The following EPHA3 variants were observed in gnomAD, a reference collection of about 807,000 sequenced individuals.
EPHA3 encodes the protein EPH receptor A3, also known as ephrin type-A receptor 3.
EPHA3 carries 42 observed loss-of-function variants against 107.1 expected under a neutral mutation model. That is an observed-to-expected ratio of 0.39 (90% CI 0.31 to 0.51). The LOEUF is 0.51. Among genes scored for constraint, EPHA3 ranks in the 20% least tolerant of loss-of-function variants. EPHA3 has a pLI of 0.78. For missense variants in EPHA3, 1,183 were observed against 1,211.2 expected (o/e 0.98, Z 0.35); for synonymous variants, 461 against 424.8 (o/e 1.09, Z -1.05).
chr3:89,369,341 T>C (rs370058146), intron 5 of EPHA3, among the ~76,000 whole-genome samples: 4,511 of 149,916 alleles, frequency 0.03, 232 homozygotes, highest in African/African-American at 0.1. Context: ...TCAGAAATAA[T>C]GCCACGTATC....
At chr3:89,343,213 C>T (rs1707573374) in intron 5 of EPHA3, among the ~76,000 whole-genome samples, 1 of 152,000 alleles carries the variant, frequency 6.6e-6, no homozygotes, top group African/African-American at 2.4e-5. Context: ...AAACTCACCA[C>T]ATTCTGTTTC....
chr3:89,432,165 T>A (rs564056590), intron 13 of EPHA3, among the ~76,000 whole-genome samples: 15 of 152,144 alleles, frequency 9.9e-5, no homozygotes, highest in Non-Finnish European at 1.9e-4. Flanking sequence ...GCCTCATGAT[T>A]TTCTAATGAT....
intron 3 of EPHA3, among the ~76,000 whole-genome samples, chr3:89,213,088 G>A (rs775973541): frequency 6.6e-5 from 10 of 151,848 alleles, no homozygotes; most frequent in Non-Finnish European, 1.2e-4. Flanking sequence ...TGACAGAGGC[G>A]CTAGAGAAAA....
chr3:89,248,722 T>C (rs893407746), intron 3 of EPHA3, among the ~76,000 whole-genome samples: 20 of 152,188 alleles, frequency 1.3e-4, no homozygotes, highest in Admixed American at 6.5e-5. Context: ...AATTTGGTTG[T>C]GGCAATTCCA....
intron 3 of EPHA3, among the ~76,000 whole-genome samples, chr3:89,336,366 G>A (rs2107408477): frequency 6.6e-6 from 1 of 152,142 alleles, no homozygotes; most frequent in South Asian, 2.1e-4. Context: ...GCTCCTTAAA[G>A]TCTTTAATAC....
At chr3:89,467,536 A>G (rs1576393538) in intron 15 of EPHA3, among the ~76,000 whole-genome samples, 1 of 152,238 alleles carries the variant, frequency 6.6e-6, no homozygotes, top group Admixed American at 6.5e-5. Flanking sequence ...GAGATTCAGA[A>G]TTCTAAGGTA....
chr3:89,164,543 T>G (rs991057481), intron 2 of EPHA3, among the ~76,000 whole-genome samples: 2 of 152,230 alleles, frequency 1.3e-5, no homozygotes, highest in African/African-American at 4.8e-5. Flanking sequence ...CCTTTGGATC[T>G]GCTTCCACCC....
intron 2 of EPHA3, among the ~76,000 whole-genome samples, chr3:89,146,770 T>C (rs1704568024): frequency 6.6e-6 from 1 of 151,994 alleles, no homozygotes; most frequent in South Asian, 2.1e-4. Context: ...GTTTTTATAG[T>C]TTTAGGTTTT....
At chr3:89,277,458 A>T (rs1705835259) in intron 3 of EPHA3, among the ~76,000 whole-genome samples, 1 of 152,172 alleles carries the variant, frequency 6.6e-6, no homozygotes, top group Non-Finnish European at 1.5e-5. Flanking sequence ...CTAAATTGGC[A>T]ATTCAAAGAT....
At chr3:89,474,365 A>G (rs1161798352) in intron 16 of EPHA3, among the ~76,000 whole-genome samples, 1 of 152,182 alleles carries the variant, frequency 6.6e-6, no homozygotes, top group Non-Finnish European at 1.5e-5. Context: ...TCGACAGTAC[A>G]CTTGGGTTTC....
At chr3:89,125,069 T>C (rs1704064614) in intron 1 of EPHA3, among the ~76,000 whole-genome samples, 1 of 151,854 alleles carries the variant, frequency 6.6e-6, no homozygotes, top group Non-Finnish European at 1.5e-5. Flanking sequence ...ATGGAGTCTA[T>C]GTAATAACCA....
At chr3:89,290,074 T>A (rs1706176263) in intron 3 of EPHA3, among the ~76,000 whole-genome samples, 2 of 152,116 alleles carry the variant, frequency 1.3e-5, no homozygotes, top group Admixed American at 1.3e-4. Flanking sequence ...ATACAAACTG[T>A]GAGGCTGCCA....
At chr3:89,169,205 T>C (rs1025316820) in intron 2 of EPHA3, among the ~76,000 whole-genome samples, 27 of 152,308 alleles carry the variant, frequency 1.8e-4, no homozygotes, top group African/African-American at 5.8e-4. Context: ...AGACAACCTT[T>C]GGCATCTATA....
intron 3 of EPHA3, among the ~76,000 whole-genome samples, chr3:89,258,015 C>G (rs1457716631): frequency 6.6e-6 from 1 of 152,176 alleles, no homozygotes; most frequent in Non-Finnish European, 1.5e-5. Context: ...TTAATGAACA[C>G]TAACCTATTC....
intron 2 of EPHA3, among the ~76,000 whole-genome samples, chr3:89,155,269 G>T (rs1345937792): frequency 6.6e-6 from 1 of 151,756 alleles, no homozygotes; most frequent in Non-Finnish European, 1.5e-5. Context: ...GTTAACTATG[G>T]TTCCAGCCTA....
chr3:89,446,307 C>T (rs1303582072), intron 13 of EPHA3, among the ~76,000 whole-genome samples: 2 of 152,082 alleles, frequency 1.3e-5, no homozygotes, highest in African/African-American at 4.8e-5. Flanking sequence ...ACAGCAGATA[C>T]CTCTCCAACA....
chr3:89,440,087 T>C (rs904667657), intron 13 of EPHA3, among the ~76,000 whole-genome samples: 1 of 152,198 alleles, frequency 6.6e-6, no homozygotes, highest in Non-Finnish European at 1.5e-5. Flanking sequence ...ATTCTCTCAG[T>C]GGCGCTGAGA....
In EPHA3 at chr3:89,388,944, T is replaced by G. The variant is rs1285840701; in HGVS notation, c.1307-6893T>G. Among the ~76,000 whole-genome samples, 6 of 152,128 alleles carry G rather than the reference T, an allele frequency of 3.9e-5. No homozygotes were observed. In the South Asian group the frequency reaches 1.2e-3, roughly 31 times the overall value. On this transcript the variant is annotated intron_variant, in intron 5 of 16. Coordinates refer to ENST00000336596, the MANE Select transcript of EPHA3 (RefSeq NM_005233.6). ...GTATAGAAAGTTGAAATTCTGAAAA[T>G]ATTAAGCTGAAAGTCATAGAATCCA...
chr3:89,117,205 A>C lies in EPHA3; in HGVS notation c.88+9369A>C, dbSNP rs551206315. Among the ~76,000 whole-genome samples the C allele has an allele frequency of 2.6e-5, 4 of 152,218 alleles. No homozygotes were observed. In the East Asian group the frequency reaches 7.7e-4, roughly 29 times the overall value. On this transcript the variant is annotated intron_variant, in intron 1 of 16. Transcript: ENST00000336596. ...TAGGTTTTTTCAATTAATAGTTAAG[A>C]AAAATAGATGAATAAGATCTAAAGG... is the stretch of plus-strand genomic sequence containing the variant.
Sources: allele counts gnomAD v4.1 joint callset (sites outside exome capture counted in the v4.1 genomes callset), GRCh38; gene constraint gnomAD v4.1.1; transcripts MANE v1.5; gene names NCBI Gene and HGNC (gene_info 2026-07-23, HGNC 2026-07-21).